Variants in FSTL5 observed in about 807,000 individuals in gnomAD.
FSTL5 encodes the protein follistatin-related protein 5.
FSTL5 carries 62 observed loss-of-function variants against 89.1 expected under a neutral mutation model. The ratio of observed to expected loss-of-function variants is 0.70; its 90% CI spans 0.57 to 0.86. FSTL5 has a LOEUF of 0.86. Ranked by LOEUF, FSTL5 falls within the 40% of genes least tolerant of loss-of-function variation. FSTL5 has a pLI of 0.00. For synonymous variants in FSTL5, 383 were observed against 346.2 expected (o/e 1.11, Z -1.18); for missense variants, 1,057 against 1,001.6 (o/e 1.06, Z -0.75).
rs149783460 is a variant in FSTL5, at chr4:161,908,210, G to C, written c.409+12194C>G. Among the ~76,000 whole-genome samples, 9 of 151,974 alleles carry C rather than the reference G, an allele frequency of 5.9e-5. No individual in the cohort carries two copies. In the East Asian group the frequency reaches 1.5e-3, roughly 26 times the overall value. On this transcript the variant is annotated intron_variant, in intron 4 of 15. Coordinates refer to ENST00000306100, the MANE Select transcript of FSTL5 (RefSeq NM_020116.5). ...ACCTCTACCAATTTGGGAAAACTAAGACTGTGTTCTATTTCCATCTTTACA... is the reference window on the plus strand; with the variant it reads ...ACCTCTACCAATTTGGGAAAACTAACACTGTGTTCTATTTCCATCTTTACA...
chr4:161,620,458 C>T (rs534934634), intron 7 of FSTL5, among the ~76,000 whole-genome samples: 5 of 152,220 alleles, frequency 3.3e-5, no homozygotes, highest in African/African-American at 1.2e-4. Context: ...ATTTTGAAAC[C>T]AACCTGACCA....
chr4:161,549,171 G>A (rs1732111715), intron 8 of FSTL5, among the ~76,000 whole-genome samples: 1 of 151,768 alleles, frequency 6.6e-6, no homozygotes, highest in Non-Finnish European at 1.5e-5. Context: ...TGAGACAAAT[G>A]AAGATTTGGG....
chr4:161,484,320 G>A (rs1729609163), intron 12 of FSTL5, among the ~76,000 whole-genome samples: 1 of 151,778 alleles, frequency 6.6e-6, no homozygotes, highest in African/African-American at 2.4e-5. Flanking sequence ...TATTCTCCTT[G>A]CTTTCACCTC....
chr4:162,160,645 G>A (rs1257189728), intron 1 of FSTL5, among the ~76,000 whole-genome samples: 1 of 151,708 alleles, frequency 6.6e-6, no homozygotes, highest in African/African-American at 2.4e-5. Flanking sequence ...ATTGATAAAT[G>A]AGCTTTAAAT....
At chr4:161,734,880 C>A (rs1371285283) in intron 6 of FSTL5, among the ~76,000 whole-genome samples, 1 of 150,536 alleles carries the variant, frequency 6.6e-6, no homozygotes, top group African/African-American at 2.4e-5. Flanking sequence ...GCAGAGCTCA[C>A]ACAACGTCTA....
chr4:161,542,462 G>T, intron 9 of FSTL5, 70 bp downstream of exon 9: 2 of 1,045,456 alleles, frequency 1.9e-6, no homozygotes, highest in East Asian at 5.9e-5. Flanking sequence ...ATTTTCCAAA[G>T]AACGTTATAA....
intron 4 of FSTL5, among the ~76,000 whole-genome samples, chr4:161,779,641 C>A: frequency 6.6e-6 from 1 of 150,918 alleles, no homozygotes. Context: ...TCCCTTTTAT[C>A]CACTAACTTT....
chr4:161,707,353 G>A (rs1738618444), intron 6 of FSTL5, among the ~76,000 whole-genome samples: 1 of 151,874 alleles, frequency 6.6e-6, no homozygotes, highest in African/African-American at 2.4e-5. Flanking sequence ...TGCAATTAAT[G>A]CCTATTTTGT....
intron 13 of FSTL5, among the ~76,000 whole-genome samples, chr4:161,478,767 T>C (rs1424824752): frequency 1.3e-5 from 2 of 152,006 alleles, no homozygotes; most frequent in Non-Finnish European, 2.9e-5. Context: ...GACCATAAAA[T>C]GCCATGGTTA....
At chr4:161,488,093 C>A (rs1233716701) in intron 12 of FSTL5, among the ~76,000 whole-genome samples, 1 of 151,952 alleles carries the variant, frequency 6.6e-6, no homozygotes, top group Non-Finnish European at 1.5e-5. Flanking sequence ...ATTGAATAGC[C>A]TCCAAATTTG....
intron 3 of FSTL5, among the ~76,000 whole-genome samples, chr4:161,945,629 G>A (rs1314719368): frequency 6.6e-6 from 1 of 152,166 alleles, no homozygotes; most frequent in Non-Finnish European, 1.5e-5. Flanking sequence ...GCATGCACTT[G>A]TAGTCCCAGC....
intron 2 of FSTL5, among the ~76,000 whole-genome samples, chr4:162,054,577 GA>G: frequency 6.6e-6 from 1 of 151,912 alleles, no homozygotes; most frequent in East Asian, 1.9e-4. Flanking sequence ...GTAAAAAAAT[GA>G]AAACAAGAGG....
chr4:161,422,582 C>G (rs1369893895), intron 15 of FSTL5, among the ~76,000 whole-genome samples: 2 of 152,146 alleles, frequency 1.3e-5, no homozygotes, highest in Non-Finnish European at 2.9e-5. Flanking sequence ...TAGCATATCT[C>G]AGAGAACCTG....
At chr4:162,028,048 A>T (rs1400973539) in intron 3 of FSTL5, among the ~76,000 whole-genome samples, 1 of 152,162 alleles carries the variant, frequency 6.6e-6, no homozygotes, top group African/African-American at 2.4e-5. Context: ...CCATAAATAA[A>T]CTTGTCTGAT....
chr4:161,886,446 A>T (rs374777287), intron 4 of FSTL5, among the ~76,000 whole-genome samples: 77 of 152,302 alleles, frequency 5.1e-4, no homozygotes, highest in African/African-American at 1.7e-3. Flanking sequence ...AAGCTAGATG[A>T]CCAGCACTCT....
chr4:161,464,043 C>T (rs1304648212), intron 13 of FSTL5, among the ~76,000 whole-genome samples: 1 of 151,958 alleles, frequency 6.6e-6, no homozygotes, highest in Non-Finnish European at 1.5e-5. Flanking sequence ...GTAATCAGCT[C>T]CAAACTGTCA....
Position 161,567,581 on chromosome 4 carries a change from T to A in FSTL5, c.1015+19874A>T, listed in dbSNP as rs1476526771. 2.6e-5 allele frequency among the ~76,000 whole-genome samples: 4 copies of A among 152,116 alleles called. No homozygotes were observed. The East Asian group carries it at 7.7e-4, about 29-fold the overall frequency. ...ATCACTCCTAGTCCAGTAAACCATA[T>A]CATGCTAATTTAAATATCTATGTGT... is the stretch of plus-strand genomic sequence containing the variant. On this transcript the variant is annotated intron_variant, in intron 8 of 15. Coordinates refer to ENST00000306100, the MANE Select transcript of FSTL5 (RefSeq NM_020116.5).
chr4:162,066,902 T>A (rs1398288692), intron 2 of FSTL5, among the ~76,000 whole-genome samples: 1 of 152,060 alleles, frequency 6.6e-6, no homozygotes, highest in Non-Finnish European at 1.5e-5. Flanking sequence ...TACATGTGCA[T>A]GTGTCTTTAT....
At chr4:162,062,075 C>T (rs1028327504) in intron 2 of FSTL5, among the ~76,000 whole-genome samples, 4 of 151,668 alleles carry the variant, frequency 2.6e-5, no homozygotes, top group East Asian at 1.9e-4. Flanking sequence ...GTTTTCCAAA[C>T]GATCTGAATT....
Sources: allele counts gnomAD v4.1 joint callset (sites outside exome capture counted in the v4.1 genomes callset), GRCh38; gene constraint gnomAD v4.1.1; transcripts MANE v1.5; gene names NCBI Gene and HGNC (gene_info 2026-07-23, HGNC 2026-07-21).